The following TRPS1 variants were observed in gnomAD, a reference collection of about 807,000 sequenced individuals.
TRPS1 encodes zinc finger transcription factor Trps1.
A neutral mutation model predicts 101.2 loss-of-function variants in TRPS1; 6 were observed. The observed-to-expected ratio is 0.06, with a 90% CI of 0.03 to 0.12. The LOEUF is 0.12. TRPS1 is among the 10% of genes least tolerant of loss of function. TRPS1 has a pLI of 1.00. For synonymous variants in TRPS1, 578 were observed against 589.8 expected, an observed-to-expected ratio of 0.98 and a Z score of 0.29; for missense variants, 1,363 against 1,567.0, an observed-to-expected ratio of 0.87 and a Z score of 2.20.
intron 5 of TRPS1, among the ~76,000 whole-genome samples, chr8:115,567,245 T>C (rs1412233778): frequency 6.6e-6 from 1 of 152,176 alleles, no homozygotes; most frequent in Non-Finnish European, 1.5e-5. Context: ...TAAATCAACA[T>C]GGACAGAAAA....
At chr8:115,561,175 T>C (rs1816936803) in intron 5 of TRPS1, among the ~76,000 whole-genome samples, 1 of 152,170 alleles carries the variant, frequency 6.6e-6, no homozygotes, top group Non-Finnish European at 1.5e-5. Flanking sequence ...ATTTTTGAAA[T>C]GCTTATTCCT....
chr8:115,653,286 G>A (rs1225889370), intron 1 of TRPS1, among the ~76,000 whole-genome samples: 1 of 152,100 alleles, frequency 6.6e-6, no homozygotes, highest in African/African-American at 2.4e-5. Flanking sequence ...TGAATGGTAA[G>A]TTATAATTCA....
At chr8:115,432,480 A>C (rs1364452206) in intron 5 of TRPS1, among the ~76,000 whole-genome samples, 3 of 151,786 alleles carry the variant, frequency 2.0e-5, no homozygotes, top group African/African-American at 7.2e-5. Flanking sequence ...ACAGACATAT[A>C]ATTTTTATTC....
chr8:115,564,783 A>C (rs1817028336), intron 5 of TRPS1, among the ~76,000 whole-genome samples: 1 of 152,108 alleles, frequency 6.6e-6, no homozygotes, highest in Non-Finnish European at 1.5e-5. Context: ...GCAAGTAGTC[A>C]AAATACAGGA....
At chr8:115,614,558 G>A (rs7821430) in intron 3 of TRPS1, among the ~76,000 whole-genome samples, 16 of 152,296 alleles carry the variant, frequency 1.1e-4, no homozygotes, top group African/African-American at 3.6e-4. Context: ...GCCTTGAGGT[G>A]AGCATATGTC....
intron 5 of TRPS1, among the ~76,000 whole-genome samples, chr8:115,541,789 T>A (rs560423089): frequency 4.5e-4 from 69 of 152,338 alleles, no homozygotes; most frequent in African/African-American, 1.6e-3. Context: ...ACTTGACACA[T>A]TTCAGCCAAA....
At chr8:115,607,223 C>T (rs568016393) in intron 3 of TRPS1, among the ~76,000 whole-genome samples, 1 of 152,048 alleles carries the variant, frequency 6.6e-6, no homozygotes, top group East Asian at 1.9e-4. Context: ...CTAAGCATCC[C>T]AACATACTAA....
intron 5 of TRPS1, among the ~76,000 whole-genome samples, chr8:115,518,092 A>G (rs1815764769): frequency 4.6e-3 from 1 of 218 alleles, no homozygotes; most frequent in Non-Finnish European, 8.6e-3. Flanking sequence ...AGCACTACAC[A>G]ATTCTGGTAG....
At chr8:115,602,241 G>C (rs1376613856) in intron 4 of TRPS1, among the ~76,000 whole-genome samples, 2 of 151,952 alleles carry the variant, frequency 1.3e-5, no homozygotes, top group Non-Finnish European at 2.9e-5. Flanking sequence ...AAATCATGAA[G>C]ATTTCTCAAA....
At chr8:115,648,159 G>T (rs1016973470) in intron 1 of TRPS1, among the ~76,000 whole-genome samples, 1 of 152,136 alleles carries the variant, frequency 6.6e-6, no homozygotes, top group African/African-American at 2.4e-5. Flanking sequence ...ATGGAGAGAG[G>T]AAGCCAAGTT....
At chr8:115,482,219 A>T (rs927869432) in intron 5 of TRPS1, among the ~76,000 whole-genome samples, 1 of 152,190 alleles carries the variant, frequency 6.6e-6, no homozygotes, top group Admixed American at 6.5e-5. Context: ...GAGGGCAAAA[A>T]CAAATCATTT....
Position 115,619,819 on chromosome 8 carries a change from C to T in TRPS1, c.279G>A (p.Leu93=). ...CATAATTGAAGCCAGCCTTCTCACT[C>T]AGAACTGCGCTTTTCAAGTCCTTCT... The part of the protein sequence containing the change: ...SSKKDLKSAV[L]SEKAGFNYES... The change falls in exon 3 of 7, where the codon CTG becomes CTA. Residue 93 remains leucine (L), a synonymous_variant. Coordinates refer to ENST00000395715, the MANE Select transcript of TRPS1 (RefSeq NM_014112.5). 1 of 1,614,196 alleles carries T rather than the reference C, an allele frequency of 6.2e-7. No homozygotes were observed. The highest frequency in any genetic ancestry group is 8.5e-7 in the Non-Finnish European group (1 of 1,180,024).
chr8:115,584,896 T>C (rs1407076948), intron 5 of TRPS1, among the ~76,000 whole-genome samples: 4 of 152,266 alleles, frequency 2.6e-5, no homozygotes, highest in South Asian at 2.1e-4. Context: ...TCCAGTAAAA[T>C]TGGTGATTTC....
At chr8:115,607,022 T>C (rs550953042) in intron 3 of TRPS1, among the ~76,000 whole-genome samples, 1 of 152,182 alleles carries the variant, frequency 6.6e-6, no homozygotes, top group African/African-American at 2.4e-5. Flanking sequence ...GCTTCCCTAT[T>C]ATAAAATGCT....
intron 5 of TRPS1, among the ~76,000 whole-genome samples, chr8:115,496,775 T>C (rs1233559977): frequency 2.6e-5 from 4 of 152,184 alleles, no homozygotes; most frequent in Non-Finnish European, 5.9e-5. Context: ...TAACTAGTAG[T>C]CTATACCGTG....
At chr8:115,640,420 A>C (rs1818868547) in intron 1 of TRPS1, among the ~76,000 whole-genome samples, 1 of 152,170 alleles carries the variant, frequency 6.6e-6, no homozygotes, top group Admixed American at 6.5e-5. Flanking sequence ...CTACTCCACA[A>C]TGCCTCCCCA....
chr8:115,637,414 G>A, intron 1 of TRPS1: 2 of 633,484 alleles, frequency 3.2e-6, no homozygotes, highest in Non-Finnish European at 3.9e-6. Flanking sequence ...ATGAAGAAAA[G>A]TGATGGGTTT....
chr8:115,570,832 A>G (rs1817187122), intron 5 of TRPS1, among the ~76,000 whole-genome samples: 1 of 152,090 alleles, frequency 6.6e-6, no homozygotes, highest in African/African-American at 2.4e-5. Context: ...ATGCATGCCA[A>G]CTCAATCCCA....
chr8:115,586,028 C>T (rs1209782746), intron 5 of TRPS1, among the ~76,000 whole-genome samples: 1 of 152,188 alleles, frequency 6.6e-6, no homozygotes, highest in Non-Finnish European at 1.5e-5. Context: ...CCAGAGAGAA[C>T]TCACTGGTCT....
Sources: allele counts gnomAD v4.1 joint callset (sites outside exome capture counted in the v4.1 genomes callset), GRCh38; gene constraint gnomAD v4.1.1; transcripts MANE v1.5; gene names NCBI Gene and HGNC (gene_info 2026-07-23, HGNC 2026-07-21).